PRDM11: variants seen among roughly 807,000 people sequenced by gnomAD.
PRDM11 encodes PR/SET domain 11, also known as PR domain-containing protein 11.
A neutral mutation model predicts 97.8 loss-of-function variants in PRDM11; 20 were observed. That is an observed-to-expected ratio of 0.20 (90% CI 0.14 to 0.30). PRDM11 has a LOEUF of 0.30. Ranked by LOEUF, PRDM11 falls within the 10% of genes least tolerant of loss-of-function variation. The pLI is 1.00. For missense variants in PRDM11, 1,139 were observed against 1,555.2 expected (o/e 0.73, Z 4.50); for synonymous variants, 599 against 637.7 (o/e 0.94, Z 0.91).
intron 1 of PRDM11, among the ~76,000 whole-genome samples, chr11:45,170,655 A>G (rs78276785): frequency 1.3e-5 from 2 of 152,274 alleles, no homozygotes; most frequent in African/African-American, 4.8e-5. Flanking sequence ...TGGTGTTTGC[A>G]TTGCATGAAA....
chr11:45,207,013 G>T (rs1853535875), intron 5 of PRDM11, among the ~76,000 whole-genome samples: 1 of 152,190 alleles, frequency 6.6e-6, no homozygotes, highest in South Asian at 2.1e-4. Flanking sequence ...CATGGTTTCT[G>T]TCCTGTTCTG....
In PRDM11 at chr11:45,226,496, T is replaced by C; in HGVS notation, c.1871T>C (p.Val624Ala). The stretch of plus-strand genomic sequence containing the variant: ...CTGAGGAAGTGTGAGCTCAAGGTGG[T>C]GGACCAGTACATGAATGAGGGAGAC... ...ELLRKCELKV[V>A]DQYMNEGDCQ... Residue 624 changes from valine to alanine, a missense_variant, in exon 8 of 8, where the codon GTG becomes GCG. Val to Ala is a moderately conservative substitution (Grantham distance 64). Around this residue, in one of 2 missense-constraint regions of PRDM11, gnomAD observed 710 missense variants for 1,044.9 expected, o/e 0.68. Transcript: ENST00000683152. 4 of 1,533,938 alleles carry C rather than the reference T, an allele frequency of 2.6e-6. No homozygotes were observed. The highest frequency in any genetic ancestry group is 3.5e-6 in the Non-Finnish European group (4 of 1,146,730).
chr11:45,111,665 A>C (rs1364386786), intron 1 of PRDM11, among the ~76,000 whole-genome samples: 4 of 152,130 alleles, frequency 2.6e-5, no homozygotes, highest in Non-Finnish European at 4.4e-5. Flanking sequence ...CCTCACTATT[A>C]CACCTAATAA....
Position 45,219,428 on chromosome 11 carries a change from G to A in PRDM11, c.555-142G>A. The A allele has an allele frequency of 1.3e-6, 1 of 775,252 alleles. No homozygotes were observed. Among genetic ancestry groups the A allele is most frequent in the East Asian group, 2.7e-5 (1 of 37,014 alleles). The allele number at this position is 775,252 out of a possible 1,614,324, so 48.0% of individuals were successfully genotyped here. A position where few individuals can be genotyped will look rare whatever the true frequency, so the allele number is the denominator to read the frequency against. On this transcript the variant is annotated intron_variant, in intron 5 of 7. Coordinates refer to ENST00000683152, the MANE Select transcript of PRDM11 (RefSeq NM_001384648.1). This position sits in a 1 kb window ranked among gnomAD's most constrained non-coding sequence, Gnocchi z 4.2. ...GGCTGGTGCTGCTTCTCCGGACAGG[G>A]CAGCTGCTCTGCTGATGTTCACATG...
intron 4 of PRDM11, among the ~76,000 whole-genome samples, chr11:45,189,809 T>C (rs3781706): frequency 0.88 from 134,657 of 152,182 alleles, 60,597 homozygotes; most frequent in Non-Finnish European, 0.97. Context: ...GTTGCAGTGC[T>C]ATGACATGTG....
At chr11:45,155,194 C>T (rs760567555) in intron 1 of PRDM11, among the ~76,000 whole-genome samples, 11 of 152,226 alleles carry the variant, frequency 7.2e-5, no homozygotes, top group Non-Finnish European at 1.5e-4. Flanking sequence ...GTCAGCTTTC[C>T]CGGAGTGGCT....
chr11:45,218,279 T>G (rs746497698), intron 5 of PRDM11, among the ~76,000 whole-genome samples: 7 of 152,234 alleles, frequency 4.6e-5, no homozygotes, highest in African/African-American at 7.2e-5. Context: ...AATTGTTTCC[T>G]AAAGGGTTGC....
intron 5 of PRDM11, 90 bp downstream of exon 5, chr11:45,204,868 G>A: frequency 7.4e-7 from 1 of 1,356,716 alleles, no homozygotes; most frequent in Non-Finnish European, 1.1e-6. Flanking sequence ...GAGCTCCAGT[G>A]GTGGAGACTT....
chr11:45,128,368 G>A (rs535201442), intron 1 of PRDM11, among the ~76,000 whole-genome samples: 67 of 152,236 alleles, frequency 4.4e-4, no homozygotes, highest in African/African-American at 1.4e-3. Context: ...TGCACCCACT[G>A]TCTGGCACTC....
chr11:45,175,556 T>A (rs191708666), intron 1 of PRDM11, among the ~76,000 whole-genome samples: 5 of 152,260 alleles, frequency 3.3e-5, no homozygotes, highest in African/African-American at 1.2e-4. Flanking sequence ...GCATAGCAAT[T>A]TCCCCCATTT....
At chr11:45,126,117 T>C (rs1274518748) in intron 1 of PRDM11, among the ~76,000 whole-genome samples, 1 of 152,174 alleles carries the variant, frequency 6.6e-6, no homozygotes, top group Non-Finnish European at 1.5e-5. Context: ...TTTGGATCTT[T>C]GTTGGTTTAA....
chr11:45,223,974 G>A (rs1429426117), intron 6 of PRDM11, among the ~76,000 whole-genome samples: 1 of 152,220 alleles, frequency 6.6e-6, no homozygotes, highest in Non-Finnish European at 1.5e-5. Flanking sequence ...CGTAGAGCTT[G>A]TAGACATGAG....
chr11:45,221,442 C>T (rs1449790401), intron 6 of PRDM11, among the ~76,000 whole-genome samples: 2 of 152,182 alleles, frequency 1.3e-5, no homozygotes, highest in Non-Finnish European at 2.9e-5. Context: ...AATCATACCA[C>T]TAGAAGAAAA....
chr11:45,227,694 C>G lies in PRDM11; in HGVS notation c.3069C>G (p.Ser1023=), dbSNP rs1192712148. 2.0e-6 allele frequency: 3 copies of G among 1,533,798 alleles called. No homozygotes were observed. Among genetic ancestry groups the G allele is most frequent in the African/African-American group, 2.7e-5 (2 of 72,952 alleles). ...FDHLEAIPTF[S]RDVCREGLDP... is the part of the protein sequence containing the mutation. Reference sequence around the variant, plus strand: ...ACCTGGAGGCCATCCCGACCTTTTCCCGGGATGTCTGTAGGGAAGGGCTGG... The same window carrying G: ...ACCTGGAGGCCATCCCGACCTTTTCGCGGGATGTCTGTAGGGAAGGGCTGG... Residue 1023 remains serine (S), a synonymous_variant, in exon 8 of 8, where the codon TCC becomes TCG. Coordinates refer to ENST00000683152, the MANE Select transcript of PRDM11 (RefSeq NM_001384648.1). This position sits in a 1 kb window ranked among gnomAD's most constrained non-coding sequence, Gnocchi z 8.0.
At chr11:45,094,760 GGAGGGAAGGAATA>G (rs1467340438), upstream of PRDM11, among the ~76,000 whole-genome samples, 14 of 142,018 alleles carry the variant, frequency 9.9e-5, no homozygotes, top group Non-Finnish European at 2.0e-4. Context: ...ATGAAGAAAG[GGAGGGAAGGAATA>G]GAGGGAAGGA....
At chr11:45,202,945 TGA>T (rs1853381186) in intron 4 of PRDM11, among the ~76,000 whole-genome samples, 1 of 152,202 alleles carries the variant, frequency 6.6e-6, no homozygotes, top group African/African-American at 2.4e-5. Flanking sequence ...GAAAAGGAAG[TGA>T]GAGGCCCAGG....
At chr11:45,111,626 GC>G (rs1441029164) in intron 1 of PRDM11, among the ~76,000 whole-genome samples, 1 of 152,264 alleles carries the variant, frequency 6.6e-6, no homozygotes, top group East Asian at 1.9e-4. Flanking sequence ...CAATAACAGG[GC>G]CCCAAATCAG....
intron 1 of PRDM11, among the ~76,000 whole-genome samples, chr11:45,131,376 T>C (rs1019817067): frequency 6.6e-6 from 1 of 152,252 alleles, no homozygotes; most frequent in African/African-American, 2.4e-5. Flanking sequence ...ATATACGTTA[T>C]ACTTCAATGC....
At chr11:45,214,771 G>C (rs1000395210) in intron 5 of PRDM11, 1 of 152,196 alleles carries the variant, frequency 6.6e-6, no homozygotes, top group African/African-American at 2.4e-5. Context: ...TTTCTTTGGT[G>C]TGTATTCTCT....
Sources: allele counts gnomAD v4.1 joint callset (sites outside exome capture counted in the v4.1 genomes callset), GRCh38; gene constraint gnomAD v4.1.1; regional missense constraint gnomAD v4.1.1; non-coding constraint Gnocchi (gnomAD v3.1); transcripts MANE v1.5; gene names NCBI Gene and HGNC (gene_info 2026-07-23, HGNC 2026-07-21).